POLR1A: variants seen among roughly 807,000 people sequenced by gnomAD.
The protein encoded by POLR1A is DNA-directed RNA polymerase I subunit RPA1.
POLR1A carries 84 observed loss-of-function variants against 205.3 expected under a neutral mutation model. That is an observed-to-expected ratio of 0.41 (90% CI 0.34 to 0.49). The LOEUF is 0.49. Ranked by LOEUF, POLR1A falls within the 20% of genes least tolerant of loss-of-function variation. POLR1A has a pLI of 0.22. For synonymous variants in POLR1A, 799 were observed against 863.7 expected, an observed-to-expected ratio of 0.93 and a Z score of 1.31; for missense variants, 1,645 against 2,204.5, an observed-to-expected ratio of 0.75 and a Z score of 5.08.
At chr2:86,080,037 C>G (rs1339521589) in intron 9 of POLR1A, among the ~76,000 whole-genome samples, 1 of 152,154 alleles carries the variant, frequency 6.6e-6, no homozygotes, top group Non-Finnish European at 1.5e-5. Context: ...CAGAAAGCCC[C>G]AAGTGTAACC....
chr2:86,038,619 CT>C, intron 27 of POLR1A, 80 bp downstream of exon 27: 1 of 1,410,672 alleles, frequency 7.1e-7, no homozygotes, highest in Non-Finnish European at 9.9e-7. Flanking sequence ...CTCTAGGAGC[CT>C]TGTGGCTAGG....
At chr2:86,098,571 T>C in intron 3 of POLR1A, 40 bp downstream of exon 3, 1 of 1,604,658 alleles carries the variant, frequency 6.2e-7, no homozygotes, top group Non-Finnish European at 8.5e-7. Context: ...CCACACCACT[T>C]TGCCTTTTCT....
chr2:86,048,779 A>G, intron 18 of POLR1A, 105 bp downstream of exon 18: 1 of 1,047,514 alleles, frequency 9.5e-7, no homozygotes, highest in South Asian at 1.5e-5. Context: ...TCAGCTGTTC[A>G]ACAGCCAAGG....
rs1010431903 is a variant in POLR1A, at chr2:86,083,221, T to C, written c.731-53A>G. ...CAATAAATCAGAAACAGGTACTCTT[T>C]CTGCAATGGGATTTATCAATTCTTT... On this transcript the variant is annotated intron_variant, in intron 6 of 33. Coordinates refer to ENST00000263857, the MANE Select transcript of POLR1A (RefSeq NM_015425.6). 9 of 1,216,974 alleles carry C rather than the reference T, an allele frequency of 7.4e-6. No homozygotes were observed. The Admixed American group carries it at 1.5e-4, about 21-fold the overall frequency. 75.4% of individuals were successfully genotyped at this position (1,216,974 alleles called of 1,614,324 possible). A position where few individuals can be genotyped will look rare whatever the true frequency, so the allele number is the denominator to read the frequency against.
chr2:86,069,917 T>C (rs1201158836), intron 13 of POLR1A, 101 bp downstream of exon 13: 2 of 1,329,968 alleles, frequency 1.5e-6, no homozygotes, highest in African/African-American at 1.5e-5. Context: ...GGCGCCCCTG[T>C]CCTGGAGCTG....
chr2:86,027,940 T>C lies in POLR1A; in HGVS notation c.5007A>G (p.Leu1669=), dbSNP rs1672301655. The C allele has an allele frequency of 1.9e-6, 3 of 1,614,256 alleles. No homozygotes were observed. Among genetic ancestry groups the C allele is most frequent in the Non-Finnish European group, 2.5e-6 (3 of 1,180,046 alleles). The change falls in exon 33 of 34, where the codon CTA becomes CTG. Residue 1669 remains leucine, a synonymous_variant. Coordinates refer to ENST00000263857, the MANE Select transcript of POLR1A (RefSeq NM_015425.6). The part of the protein sequence containing the change: ...RFGIRSNSSP[L]QQMTFETSFQ... ...AGCTGGTTTCAAATGTCATCTGCTG[T>C]AGCGGGGAAGAGTTTGACCGGATCC...
intron 27 of POLR1A, among the ~76,000 whole-genome samples, chr2:86,035,503 G>A (rs1181026186): frequency 6.6e-6 from 1 of 152,194 alleles, no homozygotes. Context: ...GATGGAATGA[G>A]GCGGAGTGGG....
At position 86,089,845 on chromosome 2, in the gene POLR1A, G is replaced by C. The variant is rs1308286754; in HGVS notation, c.517C>G (p.Leu173Val). ...ACATGTGCGCCCTGGGACCCCAGGAGGTTGTTCTGCACAATTTCAGTTGTG... is the reference window on the plus strand; with the variant it reads ...ACATGTGCGCCCTGGGACCCCAGGACGTTGTTCTGCACAATTTCAGTTGTG... Reference protein sequence around the residue: ...QYTTEIVQNNLLGSQGAHVKN... With the variant: ...QYTTEIVQNNVLGSQGAHVKN... The change falls in exon 4 of 34, where the codon CTC becomes GTC. Residue 173 changes from leucine (L) to valine (V), a missense_variant. By Grantham distance (32) the Leu-to-Val change is conservative. This residue lies in a region of POLR1A where 330 missense variants were observed against 375.6 expected (regional missense o/e 0.88). Transcript: ENST00000263857. 1 of 1,609,766 alleles carries C rather than the reference G, an allele frequency of 6.2e-7. No individual in the cohort carries two copies. Among genetic ancestry groups the C allele is most frequent in the Non-Finnish European group, 8.5e-7 (1 of 1,176,076 alleles).
intron 25 of POLR1A, chr2:86,040,120 C>T (rs1398353496): frequency 1.2e-5 from 4 of 338,312 alleles, no homozygotes; most frequent in Non-Finnish European, 2.1e-5. Flanking sequence ...GTCCTTCCCC[C>T]AGCAGTGTGC....
chr2:86,091,374 G>A (rs757893076), intron 3 of POLR1A, among the ~76,000 whole-genome samples: 6 of 152,042 alleles, frequency 3.9e-5, no homozygotes, highest in Non-Finnish European at 8.8e-5. Context: ...TCCCACCTCA[G>A]CCTCCCAAAG....
At position 86,083,179 on chromosome 2, in the gene POLR1A, G is replaced by A. The variant is rs199750972; in HGVS notation, c.731-11C>T. On this transcript the variant is annotated splice_polypyrimidine_tract_variant and intron_variant, in intron 6 of 33. Transcript: ENST00000263857. ...GAGCTTCCTCAATTCCTGGAGCCAA[G>A]GAGGAGAATCAAAGTGCAATAAATC... 265 of 1,597,458 alleles carry A rather than the reference G, an allele frequency of 1.7e-4. 1 individual carries two copies. Among genetic ancestry groups the A allele is most frequent in the Non-Finnish European group, 2.6e-5 (30 of 1,165,020 alleles).
intron 9 of POLR1A, 98 bp from the exon 10 acceptor site, chr2:86,078,382 T>A (rs1302139867): frequency 2.2e-6 from 2 of 895,906 alleles, no homozygotes; most frequent in Non-Finnish European, 3.4e-6. Flanking sequence ...CTGACAACTA[T>A]GCACTCTGGA....
chr2:86,089,639 T>A (rs182854623), intron 4 of POLR1A, among the ~76,000 whole-genome samples, 183 bp downstream of exon 4: 1 of 152,304 alleles, frequency 6.6e-6, no homozygotes, highest in East Asian at 1.9e-4. Context: ...CATTAGAGAT[T>A]AGATAGTGGA....
chr2:86,078,300 A>G lies in POLR1A; in HGVS notation c.1087-16T>C. 16 of 1,557,452 alleles carry G rather than the reference A, an allele frequency of 1.0e-5. No homozygotes were observed. Among genetic ancestry groups the G allele is most frequent in the Non-Finnish European group, 1.4e-5 (16 of 1,156,956 alleles). On this transcript the variant is annotated splice_polypyrimidine_tract_variant and intron_variant, in intron 9 of 33. Transcript: ENST00000263857. ...AGTCTTTTTCCTGGAAGATGAAACC[A>G]AGAAAACAGGGATGATGGAAAAAAG...
chr2:86,065,819 T>C (rs962404003), intron 13 of POLR1A: 4 of 215,916 alleles, frequency 1.9e-5, no homozygotes, highest in African/African-American at 6.9e-5. Context: ...GTCAGCTGTG[T>C]TCTTGTTTTT....
At chr2:86,050,421 C>T (rs1672782771) in intron 16 of POLR1A, among the ~76,000 whole-genome samples, 1 of 152,236 alleles carries the variant, frequency 6.6e-6, no homozygotes, top group Admixed American at 6.5e-5. Context: ...GCAGGCCACA[C>T]CGTGAAAGTG....
At chr2:86,032,224 G>C (rs1257758730) in intron 29 of POLR1A, 48 bp downstream of exon 29, 1 of 1,269,992 alleles carries the variant, frequency 7.9e-7, no homozygotes, top group Non-Finnish European at 1.2e-6. Context: ...GGTTAACAGG[G>C]AAGGGGGCTG....
rs1163104149 is a variant in POLR1A, at chr2:86,028,719, G to C, written c.4780-8C>G. 19 of 1,604,624 alleles carry C rather than the reference G, an allele frequency of 1.2e-5. No individual in the cohort carries two copies. Among genetic ancestry groups the C allele is most frequent in the Middle Eastern group, 1.6e-4 (1 of 6,074 alleles). The stretch of plus-strand genomic sequence containing the variant: ...GCGGCGCAGATCCAGGACCTGGAGA[G>C]AGGAAGGAAGGGATTTATTTAGAGG... On this transcript the variant is annotated splice_polypyrimidine_tract_variant and splice_region_variant and intron_variant, in intron 31 of 33. Transcript: ENST00000263857. This position sits in a 1 kb window ranked among gnomAD's most constrained non-coding sequence, Gnocchi z 4.5.
intron 26 of POLR1A, among the ~76,000 whole-genome samples, chr2:86,039,085 C>T (rs551206109): frequency 2.8e-4 from 42 of 152,116 alleles, no homozygotes; most frequent in Non-Finnish European, 5.1e-4. Context: ...CTCAGCAGAG[C>T]GGGTAGGCAA....
Sources: allele counts gnomAD v4.1 joint callset (sites outside exome capture counted in the v4.1 genomes callset), GRCh38; gene constraint gnomAD v4.1.1; regional missense constraint gnomAD v4.1.1; non-coding constraint Gnocchi (gnomAD v3.1); transcripts MANE v1.5; gene names NCBI Gene and HGNC (gene_info 2026-07-23, HGNC 2026-07-21).